The following STARD3 variants were observed in gnomAD, a reference collection of about 807,000 sequenced individuals.
The protein encoded by STARD3 is stAR-related lipid transfer protein 3.
In STARD3, 39 loss-of-function variants were observed where a neutral mutation model predicts 62.0. That is an observed-to-expected ratio of 0.63 (90% CI 0.49 to 0.82). STARD3 has a LOEUF of 0.82. STARD3 is among the 40% of genes least tolerant of loss of function. The probability of loss-of-function intolerance (pLI) is 0.00; values close to 1 mark genes in which losing one functional copy is unlikely to be tolerated. For synonymous variants in STARD3, 229 were observed against 242.4 expected (o/e 0.94, Z 0.51); for missense variants, 543 against 584.5 (o/e 0.93, Z 0.73).
At chr17:39,653,781 A>G (rs894545081) in intron 2 of STARD3, 31 bp downstream of exon 2, 1 of 1,612,028 alleles carries the variant, frequency 6.2e-7, no homozygotes. Flanking sequence ...GGCACAGGCC[A>G]TGTTGCAGGC....
intron 1 of STARD3, among the ~76,000 whole-genome samples, chr17:39,645,629 C>T (rs146393190): frequency 1.6e-4 from 25 of 152,254 alleles, no homozygotes; most frequent in African/African-American, 5.8e-4. Flanking sequence ...GCCACCATGC[C>T]TGGCTAATTT....
chr17:39,649,915 C>T (rs900061819), intron 1 of STARD3, among the ~76,000 whole-genome samples: 2 of 141,596 alleles, frequency 1.4e-5, no homozygotes, highest in African/African-American at 2.6e-5. Flanking sequence ...TTCCTTTATA[C>T]AAAAGAAATA....
At chr17:39,647,835 C>A (rs1465669213) in intron 1 of STARD3, among the ~76,000 whole-genome samples, 2 of 152,142 alleles carry the variant, frequency 1.3e-5, no homozygotes, top group African/African-American at 4.8e-5. Flanking sequence ...TTAAATGTTT[C>A]TCTTGCTTTG....
At chr17:39,642,721 A>G (rs1323658801) in intron 1 of STARD3, among the ~76,000 whole-genome samples, 1 of 152,144 alleles carries the variant, frequency 6.6e-6, no homozygotes, top group South Asian at 2.1e-4. Flanking sequence ...CAGCAGGGTA[A>G]GGGATGGAGG....
intron 2 of STARD3, among the ~76,000 whole-genome samples, chr17:39,655,423 A>C (rs918842659): frequency 2.6e-5 from 4 of 151,010 alleles, no homozygotes; most frequent in African/African-American, 9.7e-5. Context: ...GGCTCAAGTG[A>C]TCCTCCCATC....
rs1218958244 is a variant in STARD3, at chr17:39,653,660, A to G, written c.129A>G (p.Arg43=). 3 of 1,614,132 alleles carry G rather than the reference A, an allele frequency of 1.9e-6. No homozygotes were observed. Among genetic ancestry groups the G allele is most frequent in the Admixed American group, 3.3e-5 (2 of 60,030 alleles). Residue 43 remains arginine (R), a synonymous_variant, in exon 2 of 15, where the codon CGA becomes CGG. Coordinates refer to ENST00000336308, the MANE Select transcript of STARD3 (RefSeq NM_006804.4). The part of the protein sequence containing the change: ...SSHLLPPPEK[R]RAISDVRRTF... ...ACCTCCTTCCGCCGCCTGAGAAGCG[A>G]AGGGCCATCTCTGATGTCCGCCGCA...
At position 39,660,660 on chromosome 17, in the gene STARD3, G is replaced by A; in HGVS notation, c.954+134G>A. 1 of 1,353,490 alleles carries A rather than the reference G, an allele frequency of 7.4e-7. No individual in the cohort carries two copies. The highest frequency in any genetic ancestry group is 1.0e-6 in the Non-Finnish European group (1 of 963,218). The allele number at this position is 1,353,490 out of a possible 1,614,324, so 83.8% of individuals were successfully genotyped here. A position where few individuals can be genotyped will look rare whatever the true frequency, so the allele number is the denominator to read the frequency against. On this transcript the variant is annotated intron_variant, in intron 11 of 14. Coordinates refer to ENST00000336308, the MANE Select transcript of STARD3 (RefSeq NM_006804.4). This position sits in a 1 kb window ranked among gnomAD's most constrained non-coding sequence, Gnocchi z 4.8. ...TGATGGTAACAGTGCCTGCTCGGGA[G>A]GGTCGGGAGGAGGGCAGGAGGAGTG...
At chr17:39,657,142 G>A (rs1277983994) in intron 3 of STARD3, 57 bp downstream of exon 3, 1 of 1,536,400 alleles carries the variant, frequency 6.5e-7, no homozygotes, top group Non-Finnish European at 9.0e-7. Context: ...GCAGGGAAAT[G>A]ACTTCTGCTG....
At chr17:39,642,228 C>T (rs2056988308) in intron 1 of STARD3, among the ~76,000 whole-genome samples, 1 of 152,218 alleles carries the variant, frequency 6.6e-6, no homozygotes, top group Non-Finnish European at 1.5e-5. Flanking sequence ...CCTCCCTCCT[C>T]CTTAACCCTC....
chr17:39,662,768 G>A (rs368213268), intron 14 of STARD3, 36 bp from the exon 15 acceptor site: 1 of 1,572,350 alleles, frequency 6.4e-7, no homozygotes, highest in African/African-American at 1.4e-5. Flanking sequence ...GCTGAGGGCA[G>A]GCCATCAAGT....
At chr17:39,661,118 C>T in intron 13 of STARD3, 33 bp downstream of exon 13, 1 of 1,599,038 alleles carries the variant, frequency 6.3e-7, no homozygotes, top group Non-Finnish European at 8.6e-7. Context: ...TCACCCCTGC[C>T]AGCCCCTCCC....
At chr17:39,646,475 A>G (rs1008368328) in intron 1 of STARD3, among the ~76,000 whole-genome samples, 20 of 150,466 alleles carry the variant, frequency 1.3e-4, no homozygotes, top group African/African-American at 4.9e-4. Context: ...CTGTTCTTGA[A>G]CTCCTGAGCT....
chr17:39,640,569 C>T (rs2056974576), intron 1 of STARD3, among the ~76,000 whole-genome samples: 1 of 143,652 alleles, frequency 7.0e-6, no homozygotes, highest in Non-Finnish European at 1.5e-5. Flanking sequence ...GGGCTGAGAT[C>T]TCTCCTGGAA....
intron 1 of STARD3, among the ~76,000 whole-genome samples, chr17:39,646,512 C>A (rs1018017552): frequency 3.3e-5 from 5 of 152,160 alleles, no homozygotes; most frequent in African/African-American, 1.2e-4. Context: ...CTTGGCCTCC[C>A]AAAGTGCTGG....
In STARD3 at chr17:39,662,264, C is replaced by T. The variant is rs2057208383; in HGVS notation, c.1153C>T (p.Pro385Ser). The T allele has an allele frequency of 3.1e-6, 5 of 1,613,736 alleles. No homozygotes were observed. The highest frequency in any genetic ancestry group is 1.7e-5 in the Admixed American group (1 of 59,980). ...CTCTTTCCATAGGGGAGAGAATGGC[C>T]CTGGGGGCTTCATCGTGCTCAAGTC... The part of the protein sequence containing the change: ...THKYVRGENG[P>S]GGFIVLKSAS... The change falls in exon 14 of 15, where the codon CCT becomes TCT. Residue 385 changes from proline (P) to serine (S), a missense_variant. Transcript: ENST00000336308.
chr17:39,642,368 A>G (rs2056989409), intron 1 of STARD3, among the ~76,000 whole-genome samples: 1 of 152,150 alleles, frequency 6.6e-6, no homozygotes, highest in South Asian at 2.1e-4. Flanking sequence ...TTGTGGAGGG[A>G]GTGCCTGGGC....
intron 2 of STARD3, among the ~76,000 whole-genome samples, chr17:39,655,286 A>C (rs2057116325): frequency 6.6e-6 from 1 of 151,998 alleles, no homozygotes; most frequent in African/African-American, 2.4e-5. Flanking sequence ...CCTAGATTCA[A>C]GGGTTCCTCC....
rs563929816 is a variant in STARD3 at position 39,651,595 on chromosome 17, G to A, written c.-51-1886G>A. Among the ~76,000 whole-genome samples the A allele has an allele frequency of 1.5e-4, 23 of 151,992 alleles. No homozygotes were observed. The South Asian group carries it at 3.7e-3, about 25-fold the overall frequency. The stretch of plus-strand genomic sequence containing the variant: ...TCTTTTTTTTTTGAGACGGAGTCTC[G>A]CTCTGTCACCCAGGCTGGAGTGCAG... On this transcript the variant is annotated intron_variant, in intron 1 of 14. Coordinates refer to ENST00000336308, the MANE Select transcript of STARD3 (RefSeq NM_006804.4).
At position 39,660,704 on chromosome 17, in the gene STARD3, G is replaced by C; in HGVS notation, c.955-106G>C. 1 of 1,415,948 alleles carries C rather than the reference G, an allele frequency of 7.1e-7. No homozygotes were observed. Among genetic ancestry groups the C allele is most frequent in the Non-Finnish European group, 9.7e-7 (1 of 1,029,888 alleles). 87.7% of individuals were successfully genotyped at this position (1,415,948 alleles called of 1,614,324 possible). On this transcript the variant is annotated intron_variant, in intron 11 of 14. Coordinates refer to ENST00000336308, the MANE Select transcript of STARD3 (RefSeq NM_006804.4). This position sits in a 1 kb window ranked among gnomAD's most constrained non-coding sequence, Gnocchi z 4.8. ...AGGAGTGCTCATCAGGCGCTGCCCAGGGCCTGCCTGTGGCAATAGCAGTTA... is the reference window on the plus strand; with the variant it reads ...AGGAGTGCTCATCAGGCGCTGCCCACGGCCTGCCTGTGGCAATAGCAGTTA...
Sources: allele counts gnomAD v4.1 joint callset (sites outside exome capture counted in the v4.1 genomes callset), GRCh38; gene constraint gnomAD v4.1.1; non-coding constraint Gnocchi (gnomAD v3.1); transcripts MANE v1.5; gene names NCBI Gene and HGNC (gene_info 2026-07-23, HGNC 2026-07-21).